The following SETBP1 variants were observed in gnomAD, a reference collection of about 807,000 sequenced individuals.
The protein encoded by SETBP1 is SET binding protein 1.
Under a neutral mutation model 101.0 loss-of-function variants are expected in SETBP1, and 9 were observed. The ratio of observed to expected loss-of-function variants is 0.09; its 90% CI spans 0.05 to 0.16. The LOEUF (loss-of-function observed/expected upper bound fraction) is 0.16. SETBP1 is among the 10% of genes least tolerant of loss of function. The pLI is 1.00. For missense variants in SETBP1, 1,858 were observed against 2,033.8 expected (o/e 0.91, Z 1.66); for synonymous variants, 818 against 788.5 (o/e 1.04, Z -0.63).
intron 4 of SETBP1, among the ~76,000 whole-genome samples, chr18:45,027,109 C>T (rs553741359): frequency 4.6e-5 from 7 of 152,272 alleles, no homozygotes; most frequent in Admixed American, 4.6e-4. Context: ...CATAACCTTT[C>T]CACTATAGAA....
chr18:44,735,817 T>C (rs2069951617), intron 2 of SETBP1, among the ~76,000 whole-genome samples: 1 of 152,242 alleles, frequency 6.6e-6, no homozygotes, highest in South Asian at 2.1e-4. Flanking sequence ...ATTTCTTACC[T>C]GCTGCTCTCG....
chr18:44,728,292 G>A (rs2069759540), intron 2 of SETBP1, among the ~76,000 whole-genome samples: 1 of 152,162 alleles, frequency 6.6e-6, no homozygotes, highest in African/African-American at 2.4e-5. Flanking sequence ...GTCAGAGACT[G>A]GTGGTTCTCA....
intron 1 of SETBP1, among the ~76,000 whole-genome samples, chr18:44,681,900 G>A (rs2068766216): frequency 6.6e-6 from 1 of 151,518 alleles, no homozygotes; most frequent in African/African-American, 2.4e-5. Context: ...CTCCAAAAGG[G>A]CAGTTTATTC....
At chr18:44,981,717 A>G (rs546680782) in intron 4 of SETBP1, among the ~76,000 whole-genome samples, 7 of 152,318 alleles carry the variant, frequency 4.6e-5, no homozygotes, top group East Asian at 3.9e-4. Flanking sequence ...AGAGAAGAAT[A>G]AGGGAAGAAT....
chr18:44,911,097 A>T (rs2070297532), intron 3 of SETBP1, among the ~76,000 whole-genome samples: 1 of 152,200 alleles, frequency 6.6e-6, no homozygotes, highest in African/African-American at 2.4e-5. Flanking sequence ...TAAAAAGACC[A>T]TTGGACCTGG....
intron 3 of SETBP1, chr18:44,876,815 T>C: frequency 4.2e-6 from 6 of 1,439,502 alleles, no homozygotes; most frequent in Non-Finnish European, 5.5e-6. Flanking sequence ...CATTCAACAA[T>C]GGAGACTTGC....
At chr18:45,028,567 A>G (rs1344083536) in intron 4 of SETBP1, among the ~76,000 whole-genome samples, 1 of 152,148 alleles carries the variant, frequency 6.6e-6, no homozygotes, top group African/African-American at 2.4e-5. Flanking sequence ...CTAGTTCTAG[A>G]TCCCCGAGGA....
chr18:45,039,076 C>T (rs913923175), intron 5 of SETBP1, among the ~76,000 whole-genome samples: 2 of 152,166 alleles, frequency 1.3e-5, no homozygotes, highest in Admixed American at 1.3e-4. Context: ...CCCCAAGAAC[C>T]TGTGGACAGT....
chr18:45,015,179 C>T (rs987979591), intron 4 of SETBP1, among the ~76,000 whole-genome samples: 3 of 152,152 alleles, frequency 2.0e-5, no homozygotes, highest in African/African-American at 7.2e-5. Flanking sequence ...GGGGGAGCCT[C>T]AACAATGAGA....
At chr18:44,905,274 G>C (rs2070146343) in intron 3 of SETBP1, among the ~76,000 whole-genome samples, 1 of 152,184 alleles carries the variant, frequency 6.6e-6, no homozygotes, top group Non-Finnish European at 1.5e-5. Context: ...TAGCATTGGA[G>C]ATGTTTGTCC....
intron 1 of SETBP1, among the ~76,000 whole-genome samples, chr18:44,690,987 G>A (rs2068921416): frequency 6.6e-6 from 1 of 152,124 alleles, no homozygotes; most frequent in Admixed American, 6.5e-5. Context: ...AGGAGAATTA[G>A]AAAAGGCAGA....
At chr18:44,934,145 C>CT (rs112443508) in intron 3 of SETBP1, among the ~76,000 whole-genome samples, 794 of 143,440 alleles carry the variant, frequency 5.5e-3, no homozygotes, top group Middle Eastern at 0.039. Flanking sequence ...GTTGTTTTCC[C>CT]TTTTTTTTTT....
chr18:44,821,331 T>A (rs1297949691), intron 2 of SETBP1, among the ~76,000 whole-genome samples: 1 of 152,220 alleles, frequency 6.6e-6, no homozygotes, highest in Non-Finnish European at 1.5e-5. Context: ...TCTCTTTCCT[T>A]TTGCATCTGT....
intron 2 of SETBP1, among the ~76,000 whole-genome samples, chr18:44,716,063 G>C (rs1294800365): frequency 1.3e-5 from 2 of 152,132 alleles, no homozygotes; most frequent in Non-Finnish European, 2.9e-5. Context: ...CTGCTGAGTT[G>C]GCTTTCAGAA....
intron 4 of SETBP1, chr18:44,988,931 A>C (rs977959406): frequency 6.6e-6 from 1 of 152,178 alleles, no homozygotes; most frequent in Non-Finnish European, 1.5e-5. Flanking sequence ...TTAGTTTAAA[A>C]TTCTCCTGGT....
intron 2 of SETBP1, among the ~76,000 whole-genome samples, chr18:44,825,965 G>C (rs2072229347): frequency 6.6e-6 from 1 of 152,134 alleles, no homozygotes; most frequent in African/African-American, 2.4e-5. Flanking sequence ...TGCTAATAAA[G>C]AGTGACTAGT....
At chr18:44,683,069 C>G (rs181106591) in intron 1 of SETBP1, among the ~76,000 whole-genome samples, 34 of 152,168 alleles carry the variant, frequency 2.2e-4, no homozygotes, top group Non-Finnish European at 4.3e-4. Context: ...GCAGTAGTGT[C>G]GGTTAAGAAG....
intron 2 of SETBP1, among the ~76,000 whole-genome samples, chr18:44,759,589 CAG>C (rs2070592568): frequency 6.6e-6 from 1 of 152,176 alleles, no homozygotes; most frequent in Non-Finnish European, 1.5e-5. Context: ...GTTCCCCAAA[CAG>C]TGTGTGTGGG....
At chr18:44,959,732 T>C (rs1286785764) in intron 4 of SETBP1, among the ~76,000 whole-genome samples, 1 of 152,042 alleles carries the variant, frequency 6.6e-6, no homozygotes, top group Non-Finnish European at 1.5e-5. Context: ...GGAAATACTC[T>C]TCATAGCAGT....
Sources: gnomAD v4.1 joint callset for allele counts (sites outside exome capture counted in the v4.1 genomes callset) on GRCh38, gnomAD v4.1.1 for gene constraint, MANE v1.5 for transcripts, NCBI Gene and HGNC (gene_info 2026-07-23, HGNC 2026-07-21) for gene names.